Variants in TMEM132C observed in about 807,000 individuals in gnomAD.
The protein encoded by TMEM132C is transmembrane protein 132C.
TMEM132C carries 29 observed loss-of-function variants against 61.4 expected under a neutral mutation model. The observed-to-expected ratio is 0.47, with a 90% CI of 0.35 to 0.64. The LOEUF (loss-of-function observed/expected upper bound fraction) is 0.64. Among genes scored for constraint, TMEM132C ranks in the 30% least tolerant of loss-of-function variants. The pLI is 0.00. For synonymous variants in TMEM132C, 656 were observed against 633.1 expected (o/e 1.04, Z -0.54); for missense variants, 1,408 against 1,476.9 (o/e 0.95, Z 0.76).
At chr12:128,643,995 T>C (rs750947979) in intron 4 of TMEM132C, among the ~76,000 whole-genome samples, 4 of 152,078 alleles carry the variant, frequency 2.6e-5, no homozygotes, top group Non-Finnish European at 4.4e-5. Context: ...GTAGATAAAT[T>C]AAAATGGTCA....
chr12:128,282,175 T>C (rs1049333610), intron 1 of TMEM132C, among the ~76,000 whole-genome samples: 1 of 152,260 alleles, frequency 6.6e-6, no homozygotes, highest in Non-Finnish European at 1.5e-5. Flanking sequence ...TGTTTTGTTG[T>C]GTATTTCTTA....
chr12:128,535,845 G>C (rs1456603385), intron 2 of TMEM132C, among the ~76,000 whole-genome samples: 1 of 147,422 alleles, frequency 6.8e-6, no homozygotes, highest in Non-Finnish European at 1.5e-5. Context: ...TCCAGCCTGG[G>C]TGACAGAGCA....
chr12:128,364,210 T>TTCTC (rs111829348), intron 1 of TMEM132C, among the ~76,000 whole-genome samples: 1 of 150,664 alleles, frequency 6.6e-6, no homozygotes, highest in African/African-American at 2.5e-5. Context: ...AAACATCAGA[T>TTCTC]TCTCTCTCTC....
intron 2 of TMEM132C, among the ~76,000 whole-genome samples, chr12:128,509,699 C>A (rs1334466193): frequency 6.6e-6 from 1 of 152,074 alleles, no homozygotes; most frequent in African/African-American, 2.4e-5. Context: ...TAGAATATCA[C>A]AGTCATCAGC....
rs1565902092 is a variant in TMEM132C, at chr12:128,326,755, A to G, written c.85+59268A>G. Among the ~76,000 whole-genome samples the G allele has an allele frequency of 7.2e-6, 1 of 139,336 alleles. No homozygotes were observed. The highest frequency in any genetic ancestry group is 6.8e-5 in the Admixed American group (1 of 14,802). The allele number at this position is 139,336 out of a possible 152,430, so 91.4% of individuals were successfully genotyped here. A position where few individuals can be genotyped will look rare whatever the true frequency, so the allele number is the denominator to read the frequency against. On this transcript the variant is annotated intron_variant, in intron 1 of 8. Coordinates refer to ENST00000435159, the MANE Select transcript of TMEM132C (RefSeq NM_001136103.3). This position sits in a 1 kb window ranked among gnomAD's most constrained non-coding sequence, Gnocchi z 5.6. Reference sequence around the variant, plus strand: ...GCAGAGAAGTTTCGAGATTCATCAGATGTCTTTATGGCTCCCACATCTCGT... The same window carrying G: ...GCAGAGAAGTTTCGAGATTCATCAGGTGTCTTTATGGCTCCCACATCTCGT...
intron 2 of TMEM132C, among the ~76,000 whole-genome samples, chr12:128,463,252 G>A (rs1200155714): frequency 1.3e-5 from 2 of 152,118 alleles, no homozygotes; most frequent in Middle Eastern, 3.2e-3. Flanking sequence ...AGCTGGGGAA[G>A]TTGGTACTTT....
chr12:128,578,298 G>A (rs949169952), intron 3 of TMEM132C, among the ~76,000 whole-genome samples: 1 of 152,174 alleles, frequency 6.6e-6, no homozygotes, highest in African/African-American at 2.4e-5. Flanking sequence ...GAGGCAGGCT[G>A]CCGGCCCCAC....
intron 2 of TMEM132C, among the ~76,000 whole-genome samples, chr12:128,444,955 C>T (rs1455970915): frequency 6.6e-6 from 1 of 152,124 alleles, no homozygotes; most frequent in Non-Finnish European, 1.5e-5. Context: ...GGTGTTTGAA[C>T]CTTGTACGGA....
chr12:128,340,872 CCTTT>C (rs1345114204), intron 1 of TMEM132C, among the ~76,000 whole-genome samples: 10 of 139,118 alleles, frequency 7.2e-5, no homozygotes, highest in African/African-American at 2.1e-4. Flanking sequence ...TTCCTTCCTT[CCTTT>C]CTTTTTTCTT....
chr12:128,635,196 C>A (rs1008077777), intron 4 of TMEM132C, among the ~76,000 whole-genome samples: 4 of 152,184 alleles, frequency 2.6e-5, no homozygotes, highest in African/African-American at 9.7e-5. Flanking sequence ...AAACAGCAAA[C>A]TTGCTAAGAT....
At chr12:128,611,620 A>G (rs1876638873) in intron 3 of TMEM132C, among the ~76,000 whole-genome samples, 1 of 152,236 alleles carries the variant, frequency 6.6e-6, no homozygotes, top group African/African-American at 2.4e-5. Flanking sequence ...ACAGCAAACT[A>G]TAAAATGCTT....
chr12:128,639,571 A>T (rs1377737728), intron 4 of TMEM132C, among the ~76,000 whole-genome samples: 1 of 152,228 alleles, frequency 6.6e-6, no homozygotes, highest in African/African-American at 2.4e-5. Context: ...AGGTGACAAT[A>T]AATTGAAGGG....
At chr12:128,557,147 T>C (rs976489059) in intron 3 of TMEM132C, among the ~76,000 whole-genome samples, 4 of 152,136 alleles carry the variant, frequency 2.6e-5, no homozygotes, top group African/African-American at 7.2e-5. Flanking sequence ...TAAAGAGATA[T>C]TGACGGGTTT....
rs56026776 is a variant in TMEM132C, at chr12:128,413,298, C to CAAAAAAA, written c.86-1417_86-1411dup. Among the ~76,000 whole-genome samples, 188 of 60,468 alleles carry CAAAAAAA rather than the reference C, an allele frequency of 3.1e-3. 10 individuals carry two copies. Among genetic ancestry groups the CAAAAAAA allele is most frequent in the African/African-American group, 3.8e-3 (55 of 14,388 alleles). The allele number at this position is 60,468 out of a possible 152,430, so 39.7% of individuals were successfully genotyped here. On this transcript the variant is annotated intron_variant, in intron 1 of 8. Coordinates refer to ENST00000435159, the MANE Select transcript of TMEM132C (RefSeq NM_001136103.3). ...TGGGCGACAGAGCGAGACTCTGTCT[C>CAAAAAAA]AAAAAAAAAAAAAAAAAAAAAAACC...
intron 2 of TMEM132C, among the ~76,000 whole-genome samples, chr12:128,484,655 T>C (rs1409390818): frequency 6.6e-6 from 1 of 152,046 alleles, no homozygotes; most frequent in Non-Finnish European, 1.5e-5. Flanking sequence ...AAGAGTTCAG[T>C]TGAACTAAAG....
At chr12:128,318,688 C>G (rs1016445503) in intron 1 of TMEM132C, among the ~76,000 whole-genome samples, 2 of 152,132 alleles carry the variant, frequency 1.3e-5, no homozygotes, top group African/African-American at 4.8e-5. Flanking sequence ...TTTCATTTGC[C>G]TCAGCTTTAA....
chr12:128,689,081 G>A (rs1267279822), intron 5 of TMEM132C, among the ~76,000 whole-genome samples: 1 of 152,058 alleles, frequency 6.6e-6, no homozygotes, highest in Admixed American at 6.6e-5. Context: ...GCCTCCCAAA[G>A]TGTTGGGATT....
At chr12:128,603,792 A>G (rs867886287) in intron 3 of TMEM132C, among the ~76,000 whole-genome samples, 3 of 152,132 alleles carry the variant, frequency 2.0e-5, no homozygotes, top group Non-Finnish European at 4.4e-5. Flanking sequence ...ATTTCATAGC[A>G]TCATATAAAA....
chr12:128,288,644 G>A (rs1020843217), intron 1 of TMEM132C: 3 of 152,230 alleles, frequency 2.0e-5, no homozygotes, highest in Non-Finnish European at 4.4e-5. Flanking sequence ...AATTTCAACA[G>A]GACTTTCTGA....
Sources: allele counts gnomAD v4.1 joint callset (sites outside exome capture counted in the v4.1 genomes callset), GRCh38; gene constraint gnomAD v4.1.1; non-coding constraint Gnocchi (gnomAD v3.1); transcripts MANE v1.5; gene names NCBI Gene and HGNC (gene_info 2026-07-23, HGNC 2026-07-21).